The following MAML2 variants were observed in gnomAD, a reference collection of about 807,000 sequenced individuals.
MAML2 encodes the protein mastermind like transcriptional coactivator 2.
MAML2 carries 22 observed loss-of-function variants against 96.1 expected under a neutral mutation model. The observed-to-expected ratio is 0.23, with a 90% CI of 0.16 to 0.33. The LOEUF (loss-of-function observed/expected upper bound fraction) is 0.33, where lower values mean the gene tolerates loss of function less well. Among genes scored for constraint, MAML2 ranks in the 10% least tolerant of loss-of-function variants. The pLI is 1.00. For missense variants in MAML2, 1,367 were observed against 1,392.4 expected (o/e 0.98, Z 0.29); for synonymous variants, 561 against 521.3 (o/e 1.08, Z -1.04).
chr11:96,324,039 A>G (rs562309730), intron 1 of MAML2, among the ~76,000 whole-genome samples: 10 of 152,352 alleles, frequency 6.6e-5, no homozygotes, highest in African/African-American at 2.4e-4. Flanking sequence ...GTTAGTTCTA[A>G]TTGTCATTGG....
intron 1 of MAML2, among the ~76,000 whole-genome samples, chr11:96,160,779 G>A (rs750664898): frequency 1.9e-4 from 29 of 152,108 alleles, no homozygotes; most frequent in Middle Eastern, 3.2e-3. Flanking sequence ...TTAAAGATTC[G>A]TTTTGAGGAT....
intron 2 of MAML2, among the ~76,000 whole-genome samples, chr11:96,008,281 TTGAACATAACTGTCCAG>T (rs1858217578): frequency 1.3e-5 from 2 of 152,316 alleles, no homozygotes; most frequent in Non-Finnish European, 2.9e-5. Context: ...GATCCTTGAT[TTGAACATAACTGTCCAG>T]TGATTTTTCA....
At chr11:96,001,018 A>C (rs1858070786) in intron 2 of MAML2, among the ~76,000 whole-genome samples, 1 of 152,250 alleles carries the variant, frequency 6.6e-6, no homozygotes, top group South Asian at 2.1e-4. Context: ...TTCCCCTTCT[A>C]TTTAATAGGA....
At chr11:96,160,628 A>G (rs1326360464) in intron 1 of MAML2, among the ~76,000 whole-genome samples, 1 of 152,042 alleles carries the variant, frequency 6.6e-6, no homozygotes, top group African/African-American at 2.4e-5. Flanking sequence ...GGGTTTTGCC[A>G]TATTGGCCAG....
At chr11:96,066,943 G>A (rs952612200) in intron 2 of MAML2, among the ~76,000 whole-genome samples, 1 of 152,226 alleles carries the variant, frequency 6.6e-6, no homozygotes, top group Admixed American at 6.5e-5. Flanking sequence ...AGCGGCTGGA[G>A]GATAGAGAAA....
intron 1 of MAML2, among the ~76,000 whole-genome samples, chr11:96,200,580 T>A (rs1861806096): frequency 6.6e-6 from 1 of 152,222 alleles, no homozygotes; most frequent in African/African-American, 2.4e-5. Context: ...AGTTAGTGTG[T>A]CCCTCACAGC....
At chr11:96,019,727 CA>C (rs1858408307) in intron 2 of MAML2, among the ~76,000 whole-genome samples, 1 of 149,822 alleles carries the variant, frequency 6.7e-6, no homozygotes, top group Non-Finnish European at 1.5e-5. Flanking sequence ...TAATAATACA[CA>C]TGTAGAACCA....
chr11:96,148,306 A>T (rs1398937566), intron 1 of MAML2, among the ~76,000 whole-genome samples: 1 of 152,172 alleles, frequency 6.6e-6, no homozygotes, highest in African/African-American at 2.4e-5. Flanking sequence ...GTTGTTTCAG[A>T]TAAAACAGAA....
At chr11:96,120,442 T>A (rs1860318122) in intron 1 of MAML2, among the ~76,000 whole-genome samples, 1 of 152,036 alleles carries the variant, frequency 6.6e-6, no homozygotes, top group South Asian at 2.1e-4. Flanking sequence ...CCAACAGAGG[T>A]CCTCTCCACA....
intron 1 of MAML2, among the ~76,000 whole-genome samples, chr11:96,170,793 C>T (rs1482484524): frequency 6.6e-6 from 1 of 152,176 alleles, no homozygotes; most frequent in Non-Finnish European, 1.5e-5. Context: ...TGGCTCACTG[C>T]AAGCTCCGCC....
At chr11:96,250,126 C>T (rs1862562975) in intron 1 of MAML2, among the ~76,000 whole-genome samples, 1 of 152,166 alleles carries the variant, frequency 6.6e-6, no homozygotes, top group Non-Finnish European at 1.5e-5. Flanking sequence ...AATTAATCCC[C>T]TCCATGGCAC....
chr11:96,226,691 G>A (rs1393487321), intron 1 of MAML2, among the ~76,000 whole-genome samples: 1 of 152,158 alleles, frequency 6.6e-6, no homozygotes, highest in Non-Finnish European at 1.5e-5. Flanking sequence ...TACAGACAGT[G>A]TCAATTCTTA....
intron 1 of MAML2, among the ~76,000 whole-genome samples, chr11:96,136,900 AC>A (rs1860642101): frequency 1.3e-5 from 2 of 152,178 alleles, no homozygotes; most frequent in South Asian, 2.1e-4. Flanking sequence ...TATTTACTGT[AC>A]CCTGAACATC....
At chr11:96,178,715 G>T (rs568641547) in intron 1 of MAML2, among the ~76,000 whole-genome samples, 9 of 152,230 alleles carry the variant, frequency 5.9e-5, no homozygotes, top group African/African-American at 2.2e-4. Flanking sequence ...CTTATTAATC[G>T]TCACCAGTGT....
At chr11:96,246,801 T>C (rs577679122) in intron 1 of MAML2, among the ~76,000 whole-genome samples, 16 of 152,212 alleles carry the variant, frequency 1.1e-4, no homozygotes, top group South Asian at 6.2e-4. Context: ...CAGTTTGAGG[T>C]TGGCTCTGAG....
chr11:96,053,693 T>C (rs554218250), intron 2 of MAML2, among the ~76,000 whole-genome samples: 95 of 152,308 alleles, frequency 6.2e-4, no homozygotes, highest in African/African-American at 2.3e-3. Flanking sequence ...TGTACTTATG[T>C]TTCTATTACC....
intron 1 of MAML2, among the ~76,000 whole-genome samples, chr11:96,154,602 T>C (rs1860980855): frequency 6.6e-6 from 1 of 152,056 alleles, no homozygotes; most frequent in Non-Finnish European, 1.5e-5. Context: ...GTATTTTCAG[T>C]ATTGGTTGGT....
intron 1 of MAML2, among the ~76,000 whole-genome samples, chr11:96,183,195 G>A (rs149618620): frequency 0.018 from 2,705 of 152,120 alleles, 92 homozygotes; most frequent in African/African-American, 0.061. Flanking sequence ...CTCACCTCAA[G>A]TGATCCACCC....
At chr11:96,087,939 A>G (rs1175533687) in intron 2 of MAML2, among the ~76,000 whole-genome samples, 3 of 152,226 alleles carry the variant, frequency 2.0e-5, no homozygotes, top group Non-Finnish European at 2.9e-5. Context: ...TTGGACAATT[A>G]TAAGGATTTA....
Sources: allele counts gnomAD v4.1 joint callset (sites outside exome capture counted in the v4.1 genomes callset), GRCh38; gene constraint gnomAD v4.1.1; transcripts MANE v1.5; gene names NCBI Gene and HGNC (gene_info 2026-07-23, HGNC 2026-07-21).